Variants in NSMAF observed in about 807,000 individuals in gnomAD.
NSMAF encodes the protein neutral sphingomyelinase activation associated factor, also known as protein FAN.
A neutral mutation model predicts 134.9 loss-of-function variants in NSMAF; 90 were observed. The ratio of observed to expected loss-of-function variants is 0.67; its 90% confidence interval spans 0.56 to 0.79. NSMAF has a LOEUF of 0.79. Ranked by LOEUF, NSMAF falls within the 30% of genes least tolerant of loss-of-function variation. NSMAF has a pLI of 0.00. For synonymous variants in NSMAF, 358 were observed against 389.6 expected (o/e 0.92, Z 0.96); for missense variants, 1,010 against 1,119.0 (o/e 0.90, Z 1.39).
chr8:58,651,762 C>T (rs981932704), intron 1 of NSMAF, among the ~76,000 whole-genome samples: 2 of 152,200 alleles, frequency 1.3e-5, no homozygotes, highest in Non-Finnish European at 2.9e-5. Flanking sequence ...TCTAGCGCAG[C>T]GCTTCACAAA....
intron 1 of NSMAF, chr8:58,659,096 T>G: frequency 1.3e-4 from 100 of 784,898 alleles, no homozygotes; most frequent in Middle Eastern, 4.9e-4. Flanking sequence ...GCCTGCTCGG[T>G]GCCGCCCGGC....
At chr8:58,593,078 C>A (rs1036732629) in intron 23 of NSMAF, among the ~76,000 whole-genome samples, 1 of 152,222 alleles carries the variant, frequency 6.6e-6, no homozygotes, top group Non-Finnish European at 1.5e-5. Context: ...CCATCCCAGA[C>A]AAATCCTGCT....
Position 58,653,105 on chromosome 8 carries a change from C to T in NSMAF, c.59+6468G>A, listed in dbSNP as rs1398485038. The stretch of plus-strand genomic sequence containing the variant: ...GATGGGGGCACAGCAGTTAAGTGTT[C>T]CAAGGTTCTTACACTGGTAGAGAGG... On this transcript the variant is annotated intron_variant, in intron 1 of 30. Coordinates refer to ENST00000038176, the MANE Select transcript of NSMAF (RefSeq NM_003580.4). Among the ~76,000 whole-genome samples the T allele has an allele frequency of 2.0e-5, 3 of 152,004 alleles. No homozygotes were observed. The East Asian group carries it at 5.8e-4, about 29-fold the overall frequency.
intron 26 of NSMAF, chr8:58,588,568 T>C (rs1805947804): frequency 7.9e-7 from 1 of 1,266,372 alleles, no homozygotes; most frequent in Non-Finnish European, 1.1e-6. Context: ...CACATACAGC[T>C]TGGGAAGCAA....
At chr8:58,619,901 T>C (rs1373480220) in intron 9 of NSMAF, among the ~76,000 whole-genome samples, 5 of 152,114 alleles carry the variant, frequency 3.3e-5, no homozygotes, top group East Asian at 3.9e-4. Context: ...ACCAAGAATA[T>C]TGAAGACATA....
chr8:58,594,341 C>A (rs1806085529), intron 22 of NSMAF, 51 bp from the exon 23 acceptor site: 5 of 1,483,766 alleles, frequency 3.4e-6, no homozygotes, highest in Non-Finnish European at 4.7e-6. Context: ...TGTTAGGATA[C>A]CCTCTTTGTT....
At chr8:58,607,639 C>A in intron 11 of NSMAF, 130 bp downstream of exon 11, 1 of 687,222 alleles carries the variant, frequency 1.5e-6, no homozygotes, top group South Asian at 1.8e-5. Context: ...ACAGCAAAAT[C>A]AGAGTCTATT....
intron 21 of NSMAF, among the ~76,000 whole-genome samples, chr8:58,596,972 G>A (rs2129140349): frequency 6.6e-6 from 1 of 151,500 alleles, no homozygotes; most frequent in East Asian, 1.9e-4. Context: ...GTATAGAAGA[G>A]CATAATTAGG....
At chr8:58,656,786 C>T (rs950947743) in intron 1 of NSMAF, among the ~76,000 whole-genome samples, 8 of 151,856 alleles carry the variant, frequency 5.3e-5, no homozygotes, top group African/African-American at 1.5e-4. Flanking sequence ...GCCAAGATCA[C>T]GCCACTGCAC....
intron 9 of NSMAF, 98 bp from the exon 10 acceptor site, chr8:58,609,831 T>G (rs1806487433): frequency 9.2e-7 from 1 of 1,088,420 alleles, no homozygotes; most frequent in South Asian, 1.5e-5. Context: ...CTATGACATT[T>G]GTCTAAACAC....
At chr8:58,621,470 A>G (rs1205855127) in intron 9 of NSMAF, among the ~76,000 whole-genome samples, 2 of 152,210 alleles carry the variant, frequency 1.3e-5, no homozygotes, top group Non-Finnish European at 2.9e-5. Context: ...TTGGGTATAT[A>G]CGCAATCATG....
At chr8:58,609,787 C>G in intron 9 of NSMAF, 54 bp from the exon 10 acceptor site, 1 of 1,562,862 alleles carries the variant, frequency 6.4e-7, no homozygotes, top group Middle Eastern at 1.7e-4. Flanking sequence ...GATCTACTTT[C>G]TAGGTTTATC....
At chr8:58,629,144 T>G (rs571661450) in intron 6 of NSMAF, among the ~76,000 whole-genome samples, 3 of 152,310 alleles carry the variant, frequency 2.0e-5, no homozygotes, top group East Asian at 3.9e-4. Context: ...CTCTCTCTTC[T>G]CTTTCTTGGA....
At chr8:58,607,004 T>C (rs1806424657) in intron 11 of NSMAF, among the ~76,000 whole-genome samples, 1 of 152,188 alleles carries the variant, frequency 6.6e-6, no homozygotes, top group African/African-American at 2.4e-5. Flanking sequence ...CTGCTATTAG[T>C]GCTGGAAATG....
intron 1 of NSMAF, among the ~76,000 whole-genome samples, chr8:58,644,249 A>G (rs1379448809): frequency 1.3e-5 from 2 of 152,228 alleles, no homozygotes; most frequent in Admixed American, 6.5e-5. Context: ...AATGTGAATA[A>G]AACTATTTTT....
Position 58,590,013 on chromosome 8 carries a change from T to C in NSMAF, c.2081A>G (p.Asn694Ser). Residue 694 changes from asparagine to serine, a missense_variant, in exon 25 of 31, where the codon AAT becomes AGT. Asn to Ser is a conservative substitution (Grantham distance 46). Coordinates refer to ENST00000038176, the MANE Select transcript of NSMAF (RefSeq NM_003580.4). ...AGGGTGCACAGATACATACACATTATTATCCCATGAAGAAGTTATGACAGT... is the reference window on the plus strand; with the variant it reads ...AGGGTGCACAGATACATACACATTACTATCCCATGAAGAAGTTATGACAGT... ...DATVITSSWD[N>S]NVYFYSIAFG... 1 of 1,613,464 alleles carries C rather than the reference T, an allele frequency of 6.2e-7. No homozygotes were observed. Among genetic ancestry groups the C allele is most frequent in the Non-Finnish European group, 8.5e-7 (1 of 1,179,370 alleles).
chr8:58,647,426 C>G (rs368920134), intron 1 of NSMAF, among the ~76,000 whole-genome samples: 7 of 152,294 alleles, frequency 4.6e-5, no homozygotes, highest in African/African-American at 1.7e-4. Flanking sequence ...AAACATCCCC[C>G]CAGTAATACA....
chr8:58,648,557 C>T (rs775607166), intron 1 of NSMAF, among the ~76,000 whole-genome samples: 11 of 152,172 alleles, frequency 7.2e-5, no homozygotes, highest in Non-Finnish European at 1.5e-4. Flanking sequence ...TCAGGATGTC[C>T]CTCCCATCAC....
At position 58,659,673 on chromosome 8, in the gene NSMAF, C is replaced by A; in HGVS notation, c.-42G>T. 1.3e-5 allele frequency: 17 copies of A among 1,347,978 alleles called. No homozygotes were observed. The highest frequency in any genetic ancestry group is 1.5e-5 in the Non-Finnish European group (16 of 1,045,012). The allele number at this position is 1,347,978 out of a possible 1,614,324, so 83.5% of individuals were successfully genotyped here. A position where few individuals can be genotyped will look rare whatever the true frequency, so the allele number is the denominator to read the frequency against. On this transcript the variant is annotated 5_prime_UTR_variant, in exon 1 of 31. Coordinates refer to ENST00000038176, the MANE Select transcript of NSMAF (RefSeq NM_003580.4). The stretch of plus-strand genomic sequence containing the variant: ...CGGGCGCAGAGCGCACAGGCAGGCC[C>A]CGCCGCCGCCTGCCGAGGAGGTCCG...
Sources: gnomAD v4.1 joint callset for allele counts (sites outside exome capture counted in the v4.1 genomes callset) on GRCh38, gnomAD v4.1.1 for gene constraint, MANE v1.5 for transcripts, NCBI Gene and HGNC (gene_info 2026-07-23, HGNC 2026-07-21) for gene names.